Variants in TNRC6C observed in about 807,000 individuals in gnomAD.
The protein encoded by TNRC6C is trinucleotide repeat-containing gene 6C protein.
TNRC6C carries 20 observed loss-of-function variants against 153.7 expected under a neutral mutation model. The observed-to-expected ratio is 0.13, with a 90% CI of 0.09 to 0.19. TNRC6C has a LOEUF of 0.19. TNRC6C is among the 10% of genes least tolerant of loss of function. The pLI, the probability that TNRC6C is intolerant of heterozygous loss-of-function variation, is 1.00. For missense variants in TNRC6C, 1,987 were observed against 2,172.0 expected (o/e 0.91, Z 1.69); for synonymous variants, 811 against 841.4 (o/e 0.96, Z 0.63).
chr17:77,977,270 T>G (rs561210741), intron 1 of TNRC6C, among the ~76,000 whole-genome samples: 1 of 152,346 alleles, frequency 6.6e-6, no homozygotes, highest in African/African-American at 2.4e-5. Flanking sequence ...GAATAAATCT[T>G]CATATGTAGT....
exon 20 of TNRC6C, chr17:78,107,827 G>A (rs1346059892): frequency 1.3e-5 from 2 of 152,234 alleles, no homozygotes; most frequent in African/African-American, 4.8e-5. Flanking sequence ...CTTTTGCCTA[G>A]GGTCCAGTTG....
chr17:78,065,143 G>A (rs2072848640), intron 4 of TNRC6C, among the ~76,000 whole-genome samples: 1 of 152,126 alleles, frequency 6.6e-6, no homozygotes. Flanking sequence ...GAGCGCAGGA[G>A]TTTGAGACCA....
chr17:78,081,584 C>T (rs2073180715), intron 10 of TNRC6C, among the ~76,000 whole-genome samples: 1 of 152,208 alleles, frequency 6.6e-6, no homozygotes, highest in African/African-American at 2.4e-5. Context: ...TCTCAGGTTA[C>T]AGTGCAGAAA....
At chr17:77,959,772 C>T (rs910211168) in intron 1 of TNRC6C, among the ~76,000 whole-genome samples, 1 of 152,156 alleles carries the variant, frequency 6.6e-6, no homozygotes, top group Non-Finnish European at 1.5e-5. Context: ...GTGCTGCGGA[C>T]TGCGGAGTAA....
intron 1 of TNRC6C, among the ~76,000 whole-genome samples, chr17:77,982,074 T>A (rs2071086693): frequency 6.6e-6 from 1 of 152,170 alleles, no homozygotes; most frequent in Non-Finnish European, 1.5e-5. Flanking sequence ...CTGTCTACTC[T>A]CTGCCATATG....
Position 78,049,910 on chromosome 17 carries a change from G to A in TNRC6C, c.848G>A (p.Gly283Glu). 6.2e-7 allele frequency: 1 copy of A among 1,614,074 alleles called. No homozygotes were observed. The highest frequency in any genetic ancestry group is 8.5e-7 in the Non-Finnish European group (1 of 1,179,904). The change falls in exon 3 of 20, where the codon GGA becomes GAA. Residue 283 changes from glycine to glutamate, a missense_variant. Physicochemically the swap from Gly to Glu is moderately conservative, Grantham distance 98. Transcript: ENST00000301624. This position sits in a 1 kb window ranked among gnomAD's most constrained non-coding sequence, Gnocchi z 4.1. ...TCAGCATTAAGTGCTAAACAAAATG[G>A]ATCCAGCAGTGCTGTGCAAAAGGAA...
At chr17:78,016,453 G>A (rs2071730561) in intron 1 of TNRC6C, among the ~76,000 whole-genome samples, 1 of 152,232 alleles carries the variant, frequency 6.6e-6, no homozygotes, top group Admixed American at 6.5e-5. Flanking sequence ...CTGTGGTGGT[G>A]GGTGGGAGAG....
chr17:77,978,289 G>T (rs1202754920), intron 1 of TNRC6C, among the ~76,000 whole-genome samples: 1 of 152,086 alleles, frequency 6.6e-6, no homozygotes, highest in Non-Finnish European at 1.5e-5. Context: ...AGAATGCAAA[G>T]AACTCTACTA....
At position 78,049,875 on chromosome 17, in the gene TNRC6C, C is replaced by G; in HGVS notation, c.813C>G (p.Asp271Glu). The G allele has an allele frequency of 6.2e-7, 1 of 1,614,008 alleles. No individual in the cohort carries two copies. Among genetic ancestry groups the G allele is most frequent in the Admixed American group, 1.7e-5 (1 of 60,018 alleles). Residue 271 changes from aspartate (D) to glutamate (E), a missense_variant, in exon 3 of 20, where the codon GAC becomes GAG. Asp to Glu is a conservative substitution (Grantham distance 45). Transcript: ENST00000301624. The surrounding 1 kb of genome is among the most constrained non-coding windows in gnomAD (Gnocchi z 4.1). Reference sequence around the variant, plus strand: ...CTGGGTTCAGTCAGGGGAATGGAGACACTGTGAACTCAGCATTAAGTGCTA... The same window carrying G: ...CTGGGTTCAGTCAGGGGAATGGAGAGACTGTGAACTCAGCATTAAGTGCTA...
At chr17:78,017,082 G>T (rs951201834) in intron 1 of TNRC6C, among the ~76,000 whole-genome samples, 8 of 152,174 alleles carry the variant, frequency 5.3e-5, no homozygotes, top group African/African-American at 1.4e-4. Context: ...ATCTTTGCTG[G>T]GGGAAGGTGG....
At chr17:77,977,448 C>T (rs1313462189) in intron 1 of TNRC6C, among the ~76,000 whole-genome samples, 1 of 152,014 alleles carries the variant, frequency 6.6e-6, no homozygotes, top group African/African-American at 2.4e-5. Context: ...TGAAAAGGAA[C>T]TCCTTGTCTC....
At chr17:78,050,030 T>C (rs759486583) in exon 3 of TNRC6C, 2 of 1,612,562 alleles carry the variant, frequency 1.2e-6, no homozygotes, top group Non-Finnish European at 1.7e-6. Flanking sequence ...GTTGGTAATA[T>C]CCATTCAGGA....
intron 1 of TNRC6C, among the ~76,000 whole-genome samples, chr17:78,024,282 A>G (rs892514128): frequency 2.0e-5 from 3 of 152,114 alleles, no homozygotes; most frequent in African/African-American, 7.2e-5. Flanking sequence ...AGAGACAGCA[A>G]GTTTTCTTCT....
chr17:78,014,753 T>C (rs2071697514), intron 1 of TNRC6C, among the ~76,000 whole-genome samples: 2 of 151,778 alleles, frequency 1.3e-5, no homozygotes, highest in Non-Finnish European at 2.9e-5. Context: ...ATGTAGTTTG[T>C]AGTTAATGAG....
intron 1 of TNRC6C, among the ~76,000 whole-genome samples, chr17:78,006,568 CCTTCTTCCTT>C (rs1282934312): frequency 9.9e-5 from 13 of 131,500 alleles, no homozygotes; most frequent in African/African-American, 1.7e-4. Flanking sequence ...CTTCCTTCTT[CCTTCTTCCTT>C]CTTCTTCCTT....
At position 78,029,080 on chromosome 17, in the gene TNRC6C, T is replaced by C. The variant is rs144110841; in HGVS notation, c.-545-2436T>C. On this transcript the variant is annotated intron_variant, in intron 1 of 19. Transcript: ENST00000301624. ...CTATGAGATCTTTGTTTATGCAACT[T>C]ACTCTAATATGATTTTAGACCTTCA... is the stretch of plus-strand genomic sequence containing the variant. 2.8e-3 allele frequency among the ~76,000 whole-genome samples: 434 copies of C among 152,356 alleles called. 2 individuals are homozygous for C. Among genetic ancestry groups the C allele is most frequent in the African/African-American group, 0.01 (425 of 41,590 alleles).
chr17:78,018,429 G>A (rs996877094), intron 1 of TNRC6C, among the ~76,000 whole-genome samples: 5 of 151,990 alleles, frequency 3.3e-5, no homozygotes, highest in South Asian at 2.1e-4. Flanking sequence ...ATGCCCAGCC[G>A]GAACCATGTT....
chr17:78,033,560 T>G (rs1470355447), intron 2 of TNRC6C, among the ~76,000 whole-genome samples: 1 of 151,848 alleles, frequency 6.6e-6, no homozygotes, highest in Non-Finnish European at 1.5e-5. Flanking sequence ...TCCCAGCTAC[T>G]CGGGAGGCTG....
intron 1 of TNRC6C, among the ~76,000 whole-genome samples, chr17:77,982,038 T>G (rs1311758418): frequency 6.6e-6 from 1 of 152,148 alleles, no homozygotes; most frequent in Admixed American, 6.5e-5. Context: ...CAAATGGGAT[T>G]AGAGACACAG....
Sources: gnomAD v4.1 joint callset for allele counts (sites outside exome capture counted in the v4.1 genomes callset) on GRCh38, gnomAD v4.1.1 for gene constraint, Gnocchi (gnomAD v3.1) non-coding constraint, MANE v1.5 for transcripts, NCBI Gene and HGNC (gene_info 2026-07-23, HGNC 2026-07-21) for gene names.